Variants in PID1 observed in about 807,000 individuals in gnomAD.
PID1 encodes phosphotyrosine interaction domain containing 1.
Under a neutral mutation model 19.1 loss-of-function variants are expected in PID1, and 10 were observed. That is an observed-to-expected ratio of 0.52 (90% CI 0.32 to 0.89). PID1 has a LOEUF of 0.89. PID1 is among the 40% of genes least tolerant of loss of function. PID1 has a pLI of 0.03. For missense variants in PID1, 248 were observed against 285.3 expected, an observed-to-expected ratio of 0.87 and a Z score of 0.94; for synonymous variants, 130 against 116.0, an observed-to-expected ratio of 1.12 and a Z score of -0.78.
intron 1 of PID1, among the ~76,000 whole-genome samples, chr2:229,253,318 T>G (rs1690203780): frequency 6.6e-6 from 1 of 152,202 alleles, no homozygotes; most frequent in South Asian, 2.1e-4. Flanking sequence ...TTGGATGCAG[T>G]AAAAGCATCA....
At position 229,222,324 on chromosome 2, in the gene PID1, A is replaced by AT. The variant is rs754304244; in HGVS notation, c.30+48689dup. ...CCATCCTGTTATGGTCACTATTGTT[A>AT]TTTTTATTTTTCCGTACTTACTCTT... On this transcript the variant is annotated intron_variant, in intron 1 of 2. Coordinates refer to ENST00000392055, the MANE Select transcript of PID1 (RefSeq NM_001100818.2). Among the ~76,000 whole-genome samples, 54 of 152,218 alleles carry AT rather than the reference A, an allele frequency of 3.5e-4. No homozygotes were observed. The South Asian group carries it at 3.7e-3, about 11-fold the overall frequency.
chr2:229,173,012 C>T (rs1425360472), intron 1 of PID1, among the ~76,000 whole-genome samples: 4 of 152,096 alleles, frequency 2.6e-5, no homozygotes, highest in African/African-American at 9.7e-5. Flanking sequence ...AGATTACAGG[C>T]GTGAACCACT....
chr2:229,167,849 T>C (rs1231887367), intron 1 of PID1, among the ~76,000 whole-genome samples: 1 of 152,200 alleles, frequency 6.6e-6, no homozygotes, highest in Non-Finnish European at 1.5e-5. Context: ...GTTTTAAAAA[T>C]GGAAAGTAGT....
chr2:229,103,290 A>C (rs958148188), intron 2 of PID1, among the ~76,000 whole-genome samples: 2 of 152,102 alleles, frequency 1.3e-5, no homozygotes, highest in African/African-American at 4.8e-5. Context: ...GGAAGGGCTG[A>C]TGTGAGTCAC....
chr2:229,139,428 C>T (rs539131214), intron 2 of PID1, among the ~76,000 whole-genome samples: 163 of 152,284 alleles, frequency 1.1e-3, no homozygotes, highest in African/African-American at 3.7e-3. Context: ...GCCCCACCCA[C>T]AGAATCTAAG....
At chr2:229,132,224 G>T (rs1689757759) in intron 2 of PID1, among the ~76,000 whole-genome samples, 1 of 152,118 alleles carries the variant, frequency 6.6e-6, no homozygotes. Flanking sequence ...TCTCCTTGGG[G>T]TCATGGCTCC....
intron 1 of PID1, among the ~76,000 whole-genome samples, chr2:229,243,041 G>T (rs1689915232): frequency 6.6e-6 from 1 of 152,050 alleles, no homozygotes; most frequent in African/African-American, 2.4e-5. Flanking sequence ...CCAAGACTGG[G>T]CAATGTACAA....
At chr2:229,248,334 C>A (rs1307838735) in intron 1 of PID1, among the ~76,000 whole-genome samples, 1 of 152,130 alleles carries the variant, frequency 6.6e-6, no homozygotes, top group Non-Finnish European at 1.5e-5. Flanking sequence ...GCTCCTGGAA[C>A]AGGAATATGA....
rs372460652 is a variant in PID1, at chr2:229,146,588, T to C, written c.177+9230A>G. On this transcript the variant is annotated intron_variant, in intron 2 of 2. Transcript: ENST00000392055. ...TTGCATTTTTACAATTCCCCAATTATAAGAGAACCATCTGTAGTAGGGTGA... is the reference window on the plus strand; with the variant it reads ...TTGCATTTTTACAATTCCCCAATTACAAGAGAACCATCTGTAGTAGGGTGA... Among the ~76,000 whole-genome samples, 23 of 152,118 alleles carry C rather than the reference T, an allele frequency of 1.5e-4. No individual in the cohort carries two copies. In the South Asian group the frequency reaches 3.5e-3, roughly 23 times the overall value.
intron 2 of PID1, among the ~76,000 whole-genome samples, chr2:229,153,191 C>T (rs956069762): frequency 6.6e-6 from 1 of 152,202 alleles, no homozygotes; most frequent in African/African-American, 2.4e-5. Flanking sequence ...AAAAGTGACA[C>T]TGTCTTTGAG....
intron 1 of PID1, among the ~76,000 whole-genome samples, chr2:229,175,300 C>T (rs1334007330): frequency 1.3e-5 from 2 of 151,032 alleles, no homozygotes; most frequent in African/African-American, 4.9e-5. Flanking sequence ...CAGTCTGAAT[C>T]AAGCTCTGTT....
intron 2 of PID1, among the ~76,000 whole-genome samples, chr2:229,081,305 T>G (rs1444307512): frequency 1.3e-5 from 2 of 152,212 alleles, no homozygotes; most frequent in East Asian, 3.8e-4. Flanking sequence ...ATTACTATGC[T>G]TAAGAAGCTT....
chr2:229,183,239 A>G (rs924591127), intron 1 of PID1, among the ~76,000 whole-genome samples: 3 of 152,052 alleles, frequency 2.0e-5, no homozygotes, highest in Admixed American at 1.3e-4. Flanking sequence ...GTTTTCAGCA[A>G]CCCCCTGAAG....
intron 2 of PID1, among the ~76,000 whole-genome samples, chr2:229,144,519 G>T (rs1196258210): frequency 1.3e-5 from 2 of 152,064 alleles, no homozygotes; most frequent in Non-Finnish European, 2.9e-5. Flanking sequence ...AACAATAAAG[G>T]AAATAAAAAT....
intron 1 of PID1, among the ~76,000 whole-genome samples, chr2:229,218,261 GA>G (rs1409938984): frequency 2.3e-5 from 2 of 88,840 alleles, no homozygotes; most frequent in Non-Finnish European, 4.1e-5. Context: ...TTTATCACTT[GA>G]AATAACTTCT....
chr2:229,025,418 C>T lies in PID1; in HGVS notation c.*214G>A, dbSNP rs1344618402. ...CCTTCCTCCCCATCCACACTCCCACCCTCCTCACAGTCACAGCAGCAGCAG... is the reference window on the plus strand; with the variant it reads ...CCTTCCTCCCCATCCACACTCCCACTCTCCTCACAGTCACAGCAGCAGCAG... On this transcript the variant is annotated 3_prime_UTR_variant, in exon 3 of 3. Coordinates refer to ENST00000392055, the MANE Select transcript of PID1 (RefSeq NM_001100818.2). 2.8e-5 allele frequency: 16 copies of T among 571,122 alleles called. No individual in the cohort carries two copies. The highest frequency in any genetic ancestry group is 4.7e-5 in the Non-Finnish European group (15 of 320,338). The allele number at this position is 571,122 out of a possible 1,614,324, so 35.4% of individuals were successfully genotyped here. A position where few individuals can be genotyped will look rare whatever the true frequency, so the allele number is the denominator to read the frequency against.
chr2:229,210,292 C>G (rs1208045691), intron 1 of PID1, among the ~76,000 whole-genome samples: 1 of 151,818 alleles, frequency 6.6e-6, no homozygotes, highest in Non-Finnish European at 1.5e-5. Flanking sequence ...GCAGGTGGAT[C>G]ACGAGGTCAG....
At chr2:229,231,253 G>T (rs1044837744) in intron 1 of PID1, among the ~76,000 whole-genome samples, 6 of 151,980 alleles carry the variant, frequency 3.9e-5, no homozygotes, top group African/African-American at 1.4e-4. Flanking sequence ...TGCAGATTAG[G>T]TCTAGTCAAG....
intron 2 of PID1, among the ~76,000 whole-genome samples, chr2:229,036,313 G>T (rs986191030): frequency 6.6e-6 from 1 of 152,154 alleles, no homozygotes; most frequent in Non-Finnish European, 1.5e-5. Context: ...AGCCCTACAG[G>T]CTTCTGTGTG....
Sources: allele counts gnomAD v4.1 joint callset (sites outside exome capture counted in the v4.1 genomes callset), GRCh38; gene constraint gnomAD v4.1.1; transcripts MANE v1.5; gene names NCBI Gene and HGNC (gene_info 2026-07-23, HGNC 2026-07-21).